Variants in KCNIP4 observed in about 807,000 individuals in gnomAD.
The protein encoded by KCNIP4 is Kv channel-interacting protein 4.
In KCNIP4, 12 loss-of-function variants were observed where a neutral mutation model predicts 34.0. The observed-to-expected ratio is 0.35, with a 90% confidence interval of 0.23 to 0.57. The LOEUF (loss-of-function observed/expected upper bound fraction) is 0.57, where lower values mean the gene tolerates loss of function less well. Ranked by LOEUF, KCNIP4 falls within the 20% of genes least tolerant of loss-of-function variation. The pLI, the probability that KCNIP4 is intolerant of heterozygous loss-of-function variation, is 0.83. For missense variants in KCNIP4, 238 were observed against 311.7 expected, an observed-to-expected ratio of 0.76 and a Z score of 1.78; for synonymous variants, 124 against 102.2, an observed-to-expected ratio of 1.21 and a Z score of -1.29.
At chr4:21,009,932 C>T (rs571693424) in intron 1 of KCNIP4, among the ~76,000 whole-genome samples, 45 of 152,294 alleles carry the variant, frequency 3.0e-4, no homozygotes, top group African/African-American at 1.0e-3. Context: ...TAACAAAATA[C>T]CAAAGACTGG....
In KCNIP4 at chr4:20,915,405, TATACTC is replaced by T. The variant is rs564252223; in HGVS notation, c.62-32702_62-32697del. 4.7e-4 allele frequency among the ~76,000 whole-genome samples: 72 copies of T among 152,322 alleles called. No individual in the cohort carries two copies. In the East Asian group the frequency reaches 0.01, roughly 21 times the overall value. On this transcript the variant is annotated intron_variant, in intron 1 of 8. Transcript: ENST00000382152. ...CACAAAATATTTTCCTTGGGTGACATATACTCAGACTCAGCAAAAGTAACTAAAAGA... is the reference window on the plus strand; with the variant it reads ...CACAAAATATTTTCCTTGGGTGACATAGACTCAGCAAAAGTAACTAAAAGA...
intron 1 of KCNIP4, among the ~76,000 whole-genome samples, chr4:21,655,798 T>C (rs1747875023): frequency 6.6e-6 from 1 of 152,188 alleles, no homozygotes; most frequent in African/African-American, 2.4e-5. Context: ...ATTAAGTGCA[T>C]TTAACAGATC....
At chr4:20,741,639 C>A (rs1160500943) in intron 5 of KCNIP4, among the ~76,000 whole-genome samples, 2 of 152,128 alleles carry the variant, frequency 1.3e-5, no homozygotes, top group Admixed American at 1.3e-4. Context: ...AATCAACACC[C>A]TAACATCACA....
At chr4:21,314,600 G>T (rs1379322447) in intron 1 of KCNIP4, among the ~76,000 whole-genome samples, 1 of 152,116 alleles carries the variant, frequency 6.6e-6, no homozygotes, top group African/African-American at 2.4e-5. Flanking sequence ...TATCTGAGGG[G>T]AGGCTCAGCA....
chr4:21,562,134 G>A (rs1363922462), intron 1 of KCNIP4, among the ~76,000 whole-genome samples: 1 of 151,608 alleles, frequency 6.6e-6, no homozygotes, highest in Non-Finnish European at 1.5e-5. Context: ...GCCCTTTTTA[G>A]ACATTCTAGT....
chr4:20,874,308 ATC>A (rs1723775635), intron 2 of KCNIP4, among the ~76,000 whole-genome samples: 1 of 152,072 alleles, frequency 6.6e-6, no homozygotes, highest in African/African-American at 2.4e-5. Flanking sequence ...TAACTCTAGT[ATC>A]TCTCTAGTTT....
chr4:21,853,980 C>A (rs1410631127), intron 1 of KCNIP4, among the ~76,000 whole-genome samples: 1 of 152,080 alleles, frequency 6.6e-6, no homozygotes, highest in Non-Finnish European at 1.5e-5. Flanking sequence ...CCATATGACC[C>A]GGGAATGGTA....
chr4:21,215,412 A>C (rs1757486352), intron 1 of KCNIP4, among the ~76,000 whole-genome samples: 1 of 152,226 alleles, frequency 6.6e-6, no homozygotes, highest in African/African-American at 2.4e-5. Flanking sequence ...TCATTGATTC[A>C]AGCAAATGCG....
chr4:21,536,347 T>G (rs1397810424), intron 1 of KCNIP4, among the ~76,000 whole-genome samples: 1 of 152,220 alleles, frequency 6.6e-6, no homozygotes, highest in East Asian at 1.9e-4. Context: ...ATTTACTAAT[T>G]CTGCTTTCTT....
At chr4:21,711,455 C>A (rs2109077072) in intron 1 of KCNIP4, among the ~76,000 whole-genome samples, 1 of 151,890 alleles carries the variant, frequency 6.6e-6, no homozygotes, top group South Asian at 2.1e-4. Flanking sequence ...GCACTCCAGC[C>A]TGGTGACAGA....
intron 1 of KCNIP4, among the ~76,000 whole-genome samples, chr4:20,902,313 G>A (rs1324257243): frequency 6.6e-6 from 1 of 152,176 alleles, no homozygotes; most frequent in South Asian, 2.1e-4. Flanking sequence ...AGTGATCTGT[G>A]CAGGGATGCT....
intron 1 of KCNIP4, among the ~76,000 whole-genome samples, chr4:20,977,372 C>T (rs1274237271): frequency 1.3e-5 from 2 of 152,110 alleles, no homozygotes; most frequent in Admixed American, 1.3e-4. Flanking sequence ...GTAATAAGTC[C>T]TAACACTCTC....
intron 1 of KCNIP4, among the ~76,000 whole-genome samples, chr4:20,901,494 G>A (rs1484369188): frequency 6.6e-5 from 10 of 152,170 alleles, no homozygotes; most frequent in Admixed American, 1.3e-4. Context: ...TCTACATGGT[G>A]TCATATTAGT....
At chr4:21,930,079 T>C (rs902606734) in intron 1 of KCNIP4, among the ~76,000 whole-genome samples, 2 of 152,094 alleles carry the variant, frequency 1.3e-5, no homozygotes, top group African/African-American at 4.8e-5. Flanking sequence ...TCTAGCCCCT[T>C]CTGGGATCAA....
At chr4:21,271,964 A>G (rs1474587576) in intron 1 of KCNIP4, among the ~76,000 whole-genome samples, 1 of 152,154 alleles carries the variant, frequency 6.6e-6, no homozygotes, top group Non-Finnish European at 1.5e-5. Context: ...AACCCCATAC[A>G]TTTTACTGTA....
intron 1 of KCNIP4, among the ~76,000 whole-genome samples, chr4:21,221,375 G>A (rs1019947497): frequency 5.3e-5 from 8 of 152,124 alleles, no homozygotes; most frequent in African/African-American, 1.9e-4. Context: ...AAGGAAAGAG[G>A]TTTAATCGAT....
intron 1 of KCNIP4, among the ~76,000 whole-genome samples, chr4:21,267,396 G>A (rs1761878272): frequency 6.6e-6 from 1 of 151,912 alleles, no homozygotes; most frequent in South Asian, 2.1e-4. Flanking sequence ...TTGAATAGGA[G>A]TGGTGGGAGA....
chr4:21,340,179 G>A lies in KCNIP4; in HGVS notation c.62-457470C>T, dbSNP rs190629794. 3.3e-5 allele frequency among the ~76,000 whole-genome samples: 5 copies of A among 151,860 alleles called. No individual in the cohort carries two copies. In the East Asian group the frequency reaches 9.7e-4, roughly 30 times the overall value. ...TCGGTGAGCTATGAAAAAAATTTGG[G>A]GTCCATGCAAAATCATCATTATTAT... On this transcript the variant is annotated intron_variant, in intron 1 of 8. Transcript: ENST00000382152.
chr4:21,934,451 C>A (rs1444013053), intron 1 of KCNIP4, among the ~76,000 whole-genome samples: 1 of 152,072 alleles, frequency 6.6e-6, no homozygotes, highest in Admixed American at 6.6e-5. Context: ...TCCCACCAGG[C>A]TCCACCTTCA....
Sources: allele counts gnomAD v4.1 joint callset (sites outside exome capture counted in the v4.1 genomes callset), GRCh38; gene constraint gnomAD v4.1.1; transcripts MANE v1.5; gene names NCBI Gene and HGNC (gene_info 2026-07-23, HGNC 2026-07-21).